BBS9: variants seen among roughly 807,000 people sequenced by gnomAD.
BBS9 encodes Bardet-Biedl syndrome 9.
In BBS9, 89 loss-of-function variants were observed where a neutral mutation model predicts 117.7. The observed-to-expected ratio is 0.76, with a 90% confidence interval of 0.64 to 0.90. BBS9 has a LOEUF of 0.90. Ranked by LOEUF, BBS9 falls within the 40% of genes least tolerant of loss-of-function variation. The pLI is 0.00. For missense variants in BBS9, 982 were observed against 1,042.2 expected (o/e 0.94, Z 0.80); for synonymous variants, 379 against 370.9 (o/e 1.02, Z -0.25).
chr7:33,203,808 C>T lies in BBS9; in HGVS notation c.442+26217C>T, dbSNP rs552985254. On this transcript the variant is annotated intron_variant, in intron 5 of 22. Transcript: ENST00000242067. ...CATGATCTTGGCTCACTGCAACCTC[C>T]GCCTCCCGGGCTCAAGCAATTCTCC... 4.6e-3 allele frequency among the ~76,000 whole-genome samples: 692 copies of T among 151,800 alleles called. 3 individuals are homozygous for T. Among genetic ancestry groups the T allele is most frequent in the Non-Finnish European group, 7.8e-3 (527 of 67,918 alleles).
chr7:33,480,347 G>A (rs1842363999), intron 19 of BBS9, among the ~76,000 whole-genome samples: 1 of 152,192 alleles, frequency 6.6e-6, no homozygotes, highest in Admixed American at 6.5e-5. Context: ...AGGATAAAGA[G>A]GGTTTTTATT....
chr7:33,208,679 AG>A (rs550525767), intron 5 of BBS9, among the ~76,000 whole-genome samples: 3 of 152,208 alleles, frequency 2.0e-5, no homozygotes, highest in Non-Finnish European at 2.9e-5. Context: ...TGGTGAAGGC[AG>A]CAAATGTTCT....
intron 21 of BBS9, among the ~76,000 whole-genome samples, chr7:33,568,648 A>G (rs1857288840): frequency 6.6e-6 from 1 of 152,196 alleles, no homozygotes. Flanking sequence ...GTCATCATGT[A>G]TCATATCTTC....
chr7:33,214,648 G>A (rs1788689045), intron 5 of BBS9, among the ~76,000 whole-genome samples: 1 of 152,042 alleles, frequency 6.6e-6, no homozygotes, highest in Non-Finnish European at 1.5e-5. Flanking sequence ...CCAAATAAAT[G>A]AAAGATCTTT....
chr7:33,164,134 T>C (rs570764372), intron 4 of BBS9, among the ~76,000 whole-genome samples: 1 of 152,320 alleles, frequency 6.6e-6, no homozygotes, highest in Non-Finnish European at 1.5e-5. Context: ...CATGTAGTTG[T>C]GCAGTTTTGA....
intron 5 of BBS9, among the ~76,000 whole-genome samples, chr7:33,188,080 A>ATGTGTGTGTGTGTGTGTGTG (rs145485929): frequency 0.02 from 1,434 of 72,998 alleles, 59 homozygotes; most frequent in African/African-American, 0.028. Context: ...AGTTGAGTGA[A>ATGTGTGTGTGTGTGTGTGTG]TGTGTGTGTG....
intron 16 of BBS9, among the ~76,000 whole-genome samples, chr7:33,365,222 GTCT>G (rs1363381242): frequency 6.6e-6 from 1 of 152,082 alleles, no homozygotes; most frequent in Non-Finnish European, 1.5e-5. Flanking sequence ...GTAGGGATAT[GTCT>G]TCTTTGTTTT....
chr7:33,302,692 A>G (rs1562961815), intron 9 of BBS9, among the ~76,000 whole-genome samples: 1 of 152,150 alleles, frequency 6.6e-6, no homozygotes, highest in Non-Finnish European at 1.5e-5. Flanking sequence ...TCTGTAGTAT[A>G]ATTTGAAGTC....
chr7:33,138,044 G>A (rs1012264501), intron 1 of BBS9, among the ~76,000 whole-genome samples: 6 of 152,282 alleles, frequency 3.9e-5, no homozygotes, highest in South Asian at 2.1e-4. Context: ...TTAAAATAAA[G>A]CAAACAAACA....
At chr7:33,473,183 A>G (rs1261257633) in intron 19 of BBS9, among the ~76,000 whole-genome samples, 3 of 152,246 alleles carry the variant, frequency 2.0e-5, no homozygotes, top group Non-Finnish European at 4.4e-5. Context: ...TAAATCTCCA[A>G]GTGCGATGAA....
chr7:33,148,745 GC>G (rs1307873216), intron 2 of BBS9, among the ~76,000 whole-genome samples: 1 of 150,082 alleles, frequency 6.7e-6, no homozygotes, highest in African/African-American at 2.5e-5. Flanking sequence ...GCTCACTGCA[GC>G]CTCAACCTCC....
rs754742917 is a variant in BBS9, at chr7:33,146,360, A to T, written c.108A>T (p.Gly36=). ...CLANVDNSGN[G]QDKIIVGSFM... is the part of the protein sequence containing the mutation. ...CTAATGTTGACAATAGTGGAAATGG[A>T]CAAGGTAAGCAACTTACAACCATAC... Residue 36 remains glycine, a synonymous_variant, in exon 2 of 23, where the codon GGA becomes GGT. Transcript: ENST00000242067. 10 of 1,610,752 alleles carry T rather than the reference A, an allele frequency of 6.2e-6. No individual in the cohort carries two copies. Among genetic ancestry groups the T allele is most frequent in the Non-Finnish European group, 7.6e-6 (9 of 1,177,066 alleles).
intron 5 of BBS9, among the ~76,000 whole-genome samples, chr7:33,256,546 A>G (rs1186207474): frequency 1.3e-5 from 2 of 151,980 alleles, no homozygotes; most frequent in African/African-American, 2.4e-5. Flanking sequence ...GCTTAGCTGT[A>G]TGATTGTCCT....
At chr7:33,185,013 G>A (rs1362147945) in intron 5 of BBS9, among the ~76,000 whole-genome samples, 1 of 152,212 alleles carries the variant, frequency 6.6e-6, no homozygotes. Flanking sequence ...ACCATACAAT[G>A]TAATTCCCTG....
At chr7:33,385,801 A>G (rs1022050616) in intron 18 of BBS9, among the ~76,000 whole-genome samples, 2 of 152,176 alleles carry the variant, frequency 1.3e-5, no homozygotes, top group African/African-American at 4.8e-5. Flanking sequence ...AATTAGAAGA[A>G]TGAATTATTG....
intron 9 of BBS9, among the ~76,000 whole-genome samples, chr7:33,317,363 T>C (rs1584287736): frequency 6.6e-6 from 1 of 152,114 alleles, no homozygotes; most frequent in East Asian, 1.9e-4. Flanking sequence ...GTAGAAAGTG[T>C]AGAAATCAAC....
chr7:33,165,637 T>A (rs139092648), intron 4 of BBS9, among the ~76,000 whole-genome samples: 1 of 152,146 alleles, frequency 6.6e-6, no homozygotes, highest in African/African-American at 2.4e-5. Context: ...TATTGAAGCT[T>A]GTGCATGTGT....
At chr7:33,198,955 C>G (rs550291451) in intron 5 of BBS9, among the ~76,000 whole-genome samples, 1 of 152,088 alleles carries the variant, frequency 6.6e-6, no homozygotes, top group Admixed American at 6.5e-5. Context: ...TGCTAGTTCT[C>G]TAAAGGAATA....
chr7:33,565,993 A>G (rs75608964), intron 21 of BBS9, among the ~76,000 whole-genome samples: 6,497 of 149,498 alleles, frequency 0.043, 310 homozygotes, highest in African/African-American at 0.12. Context: ...ACTATTGGGG[A>G]AAAAAAATGT....
Sources: allele counts gnomAD v4.1 joint callset (sites outside exome capture counted in the v4.1 genomes callset), GRCh38; gene constraint gnomAD v4.1.1; transcripts MANE v1.5; gene names NCBI Gene and HGNC (gene_info 2026-07-23, HGNC 2026-07-21).